SH3KBP1: variants seen among roughly 807,000 people sequenced by gnomAD.
SH3KBP1 encodes SH3 domain containing kinase binding protein 1.
A neutral mutation model predicts 50.1 loss-of-function variants in SH3KBP1; 8 were observed. That is an observed-to-expected ratio of 0.16 (90% CI 0.09 to 0.29). SH3KBP1 has a LOEUF of 0.29. Among genes scored for constraint, SH3KBP1 ranks in the 10% least tolerant of loss-of-function variants. SH3KBP1 has a pLI of 1.00. For synonymous variants in SH3KBP1, 227 were observed against 218.6 expected (o/e 1.04, Z -0.34); for missense variants, 377 against 535.2 (o/e 0.70, Z 2.92).
intron 3 of SH3KBP1, among the ~76,000 whole-genome samples, chrX:19,735,696 T>C (rs2064532498): frequency 2.3e-5 from 2 of 88,031 alleles, no homozygotes; most frequent in Admixed American, 2.9e-4. Flanking sequence ...TTAATCCTTC[T>C]AAATTTACTG....
Position 19,629,230 on chromosome X carries a change from G to A in SH3KBP1, c.897+2634C>T, listed in dbSNP as rs761651067. On this transcript the variant is annotated intron_variant, in intron 8 of 17. Coordinates refer to ENST00000397821, the MANE Select transcript of SH3KBP1 (RefSeq NM_031892.3). ...CACATAAGCAGGAGGGGGATATACG[G>A]GGGGTACCTGCAGAACAGCCACATG... is the stretch of plus-strand genomic sequence containing the variant. 3.0e-3 allele frequency among the ~76,000 whole-genome samples: 328 copies of A among 110,952 alleles called. 4 individuals are homozygous for A. The highest frequency in any genetic ancestry group is 0.01 in the African/African-American group (319 of 30,508).
At chrX:19,883,593 G>T (rs78844296) in intron 1 of SH3KBP1, among the ~76,000 whole-genome samples, 1 of 111,582 alleles carries the variant, frequency 9.0e-6, no homozygotes, top group Non-Finnish European at 1.9e-5. Flanking sequence ...CTGGGAGCTG[G>T]CCAGGCACCC....
chrX:19,875,072 C>T (rs2069205429), intron 1 of SH3KBP1, among the ~76,000 whole-genome samples: 1 of 111,069 alleles, frequency 9.0e-6, no homozygotes, highest in Non-Finnish European at 1.9e-5. Flanking sequence ...GTTAACTCGT[C>T]AGGCGGTGGC....
chrX:19,733,765 C>A (rs2064450100), intron 3 of SH3KBP1, among the ~76,000 whole-genome samples: 1 of 110,034 alleles, frequency 9.1e-6, no homozygotes, highest in Non-Finnish European at 1.9e-5. Flanking sequence ...AGGAATAGTA[C>A]ACCAACCAGT....
At chrX:19,629,066 G>A (rs749781370) in intron 8 of SH3KBP1, among the ~76,000 whole-genome samples, 3 of 111,603 alleles carry the variant, frequency 2.7e-5, no homozygotes, top group Non-Finnish European at 3.8e-5. Context: ...GAGATCACAC[G>A]ATTGCACTCC....
intron 5 of SH3KBP1, among the ~76,000 whole-genome samples, chrX:19,691,642 T>C (rs1375787886): frequency 9.1e-6 from 1 of 109,802 alleles, no homozygotes; most frequent in African/African-American, 3.3e-5. Context: ...GAGAAATCTA[T>C]AGATTCAAAC....
chrX:19,656,968 C>T (rs1244731154), intron 6 of SH3KBP1, among the ~76,000 whole-genome samples: 1 of 111,891 alleles, frequency 8.9e-6, no homozygotes, highest in African/African-American at 3.2e-5. Flanking sequence ...AAATTTCTTT[C>T]CCCAGCAGAA....
intron 9 of SH3KBP1, among the ~76,000 whole-genome samples, chrX:19,597,777 T>G (rs966802073): frequency 8.9e-6 from 1 of 112,613 alleles, no homozygotes; most frequent in African/African-American, 3.2e-5. Context: ...AGCTTCAACT[T>G]AAAGTCACCA....
intron 8 of SH3KBP1, among the ~76,000 whole-genome samples, chrX:19,622,365 C>T (rs1333991304): frequency 1.8e-5 from 2 of 112,318 alleles, no homozygotes; most frequent in African/African-American, 6.5e-5. Flanking sequence ...GCATGCACTC[C>T]TGTGAGGAGA....
rs1320352082 is a variant in SH3KBP1 at position 19,646,149 on chromosome X, G to GA, written c.727-675dup. Among the ~76,000 whole-genome samples the GA allele has an allele frequency of 2.7e-5, 3 of 112,055 alleles. No individual in the cohort carries two copies. The East Asian group carries it at 8.3e-4, about 31-fold the overall frequency. The stretch of plus-strand genomic sequence containing the variant: ...AGTCTTTTAAGCCTCCAAGGGCTTA[G>GA]AAAAAATCCAGCGCCTCAGACCCTA... On this transcript the variant is annotated intron_variant, in intron 6 of 17. Transcript: ENST00000397821.
At chrX:19,849,616 A>G (rs768366760) in intron 1 of SH3KBP1, among the ~76,000 whole-genome samples, 5 of 107,074 alleles carry the variant, frequency 4.7e-5, no homozygotes, top group African/African-American at 1.7e-4. Context: ...TTGAACCCAG[A>G]AAGTGGAAGT....
At chrX:19,709,440 G>A (rs1219875335) in intron 3 of SH3KBP1, among the ~76,000 whole-genome samples, 1 of 111,967 alleles carries the variant, frequency 8.9e-6, no homozygotes, top group Non-Finnish European at 1.9e-5. Context: ...AAGCCAGAAT[G>A]GGCAATCATT....
intron 1 of SH3KBP1, among the ~76,000 whole-genome samples, chrX:19,872,731 G>A (rs1352204888): frequency 1.8e-5 from 2 of 109,037 alleles, no homozygotes; most frequent in Non-Finnish European, 3.8e-5. Flanking sequence ...AGCCGAGATC[G>A]CACCACTGCA....
chrX:19,615,081 C>T (rs1166807039), intron 8 of SH3KBP1, among the ~76,000 whole-genome samples: 1 of 112,117 alleles, frequency 8.9e-6, no homozygotes, highest in Non-Finnish European at 1.9e-5. Flanking sequence ...TATGATCAGG[C>T]TTTACCTGCT....
At chrX:19,589,332 G>T (rs1488218978) in intron 11 of SH3KBP1, among the ~76,000 whole-genome samples, 2 of 111,755 alleles carry the variant, frequency 1.8e-5, no homozygotes, top group African/African-American at 6.5e-5. Flanking sequence ...TGAGGGGTTT[G>T]GTCAATGGCC....
At chrX:19,722,845 A>C (rs1418126325) in intron 3 of SH3KBP1, among the ~76,000 whole-genome samples, 7 of 109,541 alleles carry the variant, frequency 6.4e-5, no homozygotes, top group African/African-American at 2.3e-4. Flanking sequence ...GTCTAAAAAA[A>C]ATGTCTCAAC....
At chrX:19,744,301 G>GA (rs34190910) in intron 3 of SH3KBP1, among the ~76,000 whole-genome samples, 4 of 112,037 alleles carry the variant, frequency 3.6e-5, no homozygotes, top group African/African-American at 1.3e-4. Context: ...TTTTGGGTGG[G>GA]AAAAAAATGT....
At chrX:19,557,784 G>A (rs777258676) in intron 13 of SH3KBP1, among the ~76,000 whole-genome samples, 7 of 111,797 alleles carry the variant, frequency 6.3e-5, no homozygotes, top group Admixed American at 4.8e-4. Context: ...GGGATACAGG[G>A]GTGGAAAATA....
At chrX:19,689,166 C>T (rs1451256701) in intron 5 of SH3KBP1, among the ~76,000 whole-genome samples, 1 of 112,247 alleles carries the variant, frequency 8.9e-6, no homozygotes, top group Non-Finnish European at 1.9e-5. Flanking sequence ...TAAGAATAAT[C>T]TGAAGACTAA....
Sources: allele counts gnomAD v4.1 joint callset (sites outside exome capture counted in the v4.1 genomes callset), GRCh38; gene constraint gnomAD v4.1.1; transcripts MANE v1.5; gene names NCBI Gene and HGNC (gene_info 2026-07-23, HGNC 2026-07-21).